The following CD163L1 variants were observed in gnomAD, a reference collection of about 807,000 sequenced individuals.
CD163L1 encodes scavenger receptor cysteine-rich type 1 protein M160.
CD163L1 carries 124 observed loss-of-function variants against 165.4 expected under a neutral mutation model. That is an observed-to-expected ratio of 0.75 (90% confidence interval 0.65 to 0.87). The LOEUF is 0.87. Ranked by LOEUF, CD163L1 falls within the 40% of genes least tolerant of loss-of-function variation. CD163L1 has a pLI of 0.00. For missense variants in CD163L1, 1,525 were observed against 1,799.9 expected (o/e 0.85, Z 2.76); for synonymous variants, 585 against 662.2 (o/e 0.88, Z 1.79).
At chr12:7,341,591 A>C in the CD163L1 span, among the ~76,000 whole-genome samples, 1 of 152,192 alleles carries the variant, frequency 6.6e-6, no homozygotes, top group Non-Finnish European at 1.5e-5. Context: ...TCTGCTGTCT[A>C]AAATGTGTGC....
downstream of CD163L1, among the ~76,000 whole-genome samples, chr12:7,353,736 A>T (rs1230542439): frequency 1.3e-5 from 2 of 152,062 alleles, no homozygotes; most frequent in Non-Finnish European, 2.9e-5. Context: ...AGACTTTTTC[A>T]TATTTATTAT....
chr12:7,402,924 C>T (rs1270417168), intron 6 of CD163L1, among the ~76,000 whole-genome samples: 1 of 152,044 alleles, frequency 6.6e-6, no homozygotes, highest in Non-Finnish European at 1.5e-5. Flanking sequence ...TGAGCCACTG[C>T]ACCTAGCTTT....
the CD163L1 span, among the ~76,000 whole-genome samples, chr12:7,339,599 T>C: frequency 6.6e-6 from 1 of 152,184 alleles, no homozygotes; most frequent in African/African-American, 2.4e-5. Context: ...CTGGTCTCAG[T>C]GAAACAGTCT....
chr12:7,433,915 T>C (rs1286786177), intron 2 of CD163L1, among the ~76,000 whole-genome samples: 3 of 152,212 alleles, frequency 2.0e-5, no homozygotes, highest in Non-Finnish European at 4.4e-5. Context: ...TGCATTGTAA[T>C]GTGAAAATTA....
chr12:7,355,818 T>C (rs965980893), intron 19 of CD163L1, among the ~76,000 whole-genome samples: 2 of 152,096 alleles, frequency 1.3e-5, no homozygotes, highest in African/African-American at 2.4e-5. Context: ...AACAAGAAGA[T>C]GACTGCCTGC....
the CD163L1 span, among the ~76,000 whole-genome samples, chr12:7,329,694 G>A: frequency 6.6e-6 from 1 of 151,814 alleles, no homozygotes; most frequent in South Asian, 2.1e-4. Flanking sequence ...TCTTACCCTG[G>A]AATCTCATCA....
At chr12:7,421,193 ATGTATATATATGGGTATATATATG>A (rs1591953166) in intron 4 of CD163L1, among the ~76,000 whole-genome samples, 2 of 135,014 alleles carry the variant, frequency 1.5e-5, no homozygotes, top group East Asian at 4.2e-4. Flanking sequence ...ATGTGTATAT[ATGTATATATATGGGTATATATATG>A]TGTATATATA....
At chr12:7,411,351 T>C (rs1948134718) in intron 4 of CD163L1, among the ~76,000 whole-genome samples, 1 of 152,152 alleles carries the variant, frequency 6.6e-6, no homozygotes. Context: ...TCCCCTGATA[T>C]GGTTTGGATG....
intron 4 of CD163L1, among the ~76,000 whole-genome samples, chr12:7,410,724 G>A (rs1382308430): frequency 6.6e-6 from 1 of 151,588 alleles, no homozygotes; most frequent in East Asian, 1.9e-4. Flanking sequence ...CAGCTACTCG[G>A]GAGGCTGAGG....
the CD163L1 span, among the ~76,000 whole-genome samples, chr12:7,337,021 T>C: frequency 6.6e-6 from 1 of 151,944 alleles, no homozygotes; most frequent in Non-Finnish European, 1.5e-5. Context: ...ACACCACACA[T>C]CGAGAACCAT....
chr12:7,401,516 G>C (rs1170765720), intron 6 of CD163L1, among the ~76,000 whole-genome samples: 3 of 152,002 alleles, frequency 2.0e-5, no homozygotes, highest in African/African-American at 7.2e-5. Flanking sequence ...ATATAATCAA[G>C]TGTGAAAAAT....
intron 8 of CD163L1, among the ~76,000 whole-genome samples, chr12:7,383,276 C>T (rs183883257): frequency 6.6e-6 from 1 of 152,258 alleles, no homozygotes; most frequent in Admixed American, 6.5e-5. Context: ...CTGGGTGCCA[C>T]CACTACCTCC....
intron 6 of CD163L1, among the ~76,000 whole-genome samples, chr12:7,403,150 T>C (rs998270016): frequency 6.6e-6 from 1 of 152,086 alleles, no homozygotes; most frequent in Non-Finnish European, 1.5e-5. Context: ...TAATTCTCTA[T>C]AATAAGCCTT....
chr12:7,344,614 G>A (rs942268084), downstream of CD163L1, among the ~76,000 whole-genome samples: 2 of 152,234 alleles, frequency 1.3e-5, no homozygotes, highest in African/African-American at 4.8e-5. Context: ...GGGAGTCTGT[G>A]TGGGACATCC....
At chr12:7,441,679 T>C (rs1051687394) in intron 1 of CD163L1, among the ~76,000 whole-genome samples, 1 of 152,204 alleles carries the variant, frequency 6.6e-6, no homozygotes, top group Non-Finnish European at 1.5e-5. Context: ...ATGTACCCGA[T>C]CTTGTGCTTC....
chr12:7,410,842 A>AATAAAT (rs961660820), intron 4 of CD163L1, among the ~76,000 whole-genome samples: 12 of 149,064 alleles, frequency 8.1e-5, no homozygotes, highest in East Asian at 3.9e-4. Flanking sequence ...AAAAATAAAA[A>AATAAAT]ATAAATATAA....
chr12:7,430,384 T>A (rs753368719), intron 4 of CD163L1, among the ~76,000 whole-genome samples: 1 of 152,210 alleles, frequency 6.6e-6, no homozygotes, highest in Non-Finnish European at 1.5e-5. Flanking sequence ...GAACTTTGTA[T>A]CTTCCTGAAA....
At chr12:7,362,805 C>G (rs1486677493) in intron 18 of CD163L1, among the ~76,000 whole-genome samples, 1 of 150,504 alleles carries the variant, frequency 6.6e-6, no homozygotes, top group Non-Finnish European at 1.5e-5. Context: ...GAAAAGAAGT[C>G]ATTTTATGAA....
At chr12:7,333,185 A>G in the CD163L1 span, among the ~76,000 whole-genome samples, 6 of 152,332 alleles carry the variant, frequency 3.9e-5, no homozygotes, top group Non-Finnish European at 7.3e-5. Context: ...AACAGAATAT[A>G]CGTTCTTTTC....
Sources: gnomAD v4.1 joint callset for allele counts (sites outside exome capture counted in the v4.1 genomes callset) on GRCh38, gnomAD v4.1.1 for gene constraint, MANE v1.5 for transcripts, NCBI Gene and HGNC (gene_info 2026-07-23, HGNC 2026-07-21) for gene names.